MECOM: variants seen among roughly 807,000 people sequenced by gnomAD.
MECOM encodes the protein histone-lysine N-methyltransferase MECOM.
In MECOM, 13 loss-of-function variants were observed where a neutral mutation model predicts 116.3. The observed-to-expected ratio is 0.11, with a 90% CI of 0.07 to 0.18. The LOEUF (loss-of-function observed/expected upper bound fraction) is 0.18, where lower values mean the gene tolerates loss of function less well. Ranked by LOEUF, MECOM falls within the 10% of genes least tolerant of loss-of-function variation. The pLI, the probability that MECOM is intolerant of heterozygous loss-of-function variation, is 1.00. For missense variants in MECOM, 1,299 were observed against 1,509.0 expected, an observed-to-expected ratio of 0.86 and a Z score of 2.31; for synonymous variants, 528 against 535.2, an observed-to-expected ratio of 0.99 and a Z score of 0.19.
rs1026780084 is a variant in MECOM, at chr3:169,559,531, A to G, written c.37+103805T>C. On this transcript the variant is annotated intron_variant, in intron 1 of 16. Coordinates refer to ENST00000651503, the MANE Select transcript of MECOM (RefSeq NM_004991.4). ...CTGGGGTGTACACTTTCCATTTTGAAGCTCCAGTGATATACCATGTTCTGC... is the reference window on the plus strand; with the variant it reads ...CTGGGGTGTACACTTTCCATTTTGAGGCTCCAGTGATATACCATGTTCTGC... Among the ~76,000 whole-genome samples the G allele has an allele frequency of 1.1e-4, 16 of 152,304 alleles. No homozygotes were observed. In the East Asian group the frequency reaches 2.7e-3, roughly 26 times the overall value.
chr3:169,245,936 T>G (rs1755529552), intron 2 of MECOM, among the ~76,000 whole-genome samples: 1 of 152,228 alleles, frequency 6.6e-6, no homozygotes, highest in African/African-American at 2.4e-5. Context: ...CTCCTCCATC[T>G]GGTAGTTCCC....
At position 169,548,971 on chromosome 3, in the gene MECOM, CTTTTTTT is replaced by C. The variant is rs756925389; in HGVS notation, c.37+114358_37+114364del. Among the ~76,000 whole-genome samples, 5 of 119,072 alleles carry C rather than the reference CTTTTTTT, an allele frequency of 4.2e-5. No individual in the cohort carries two copies. The South Asian group carries it at 8.1e-4, about 19-fold the overall frequency. 78.1% of individuals were successfully genotyped at this position (119,072 alleles called of 152,430 possible). ...ACACGTAAAACTGACATTTGTCTCT[CTTTTTTT>C]TTTTTTTTTTTTTGAGACGAAGTCT... On this transcript the variant is annotated intron_variant, in intron 1 of 16. Coordinates refer to ENST00000651503, the MANE Select transcript of MECOM (RefSeq NM_004991.4).
chr3:169,475,859 C>G (rs78679924), intron 1 of MECOM, among the ~76,000 whole-genome samples: 1 of 152,094 alleles, frequency 6.6e-6, no homozygotes, highest in African/African-American at 2.4e-5. Flanking sequence ...ATGGATGTCT[C>G]TGGCTCAAAG....
At chr3:169,394,728 T>C (rs746968473) in intron 1 of MECOM, among the ~76,000 whole-genome samples, 27 of 152,198 alleles carry the variant, frequency 1.8e-4, no homozygotes, top group South Asian at 2.1e-4. Flanking sequence ...TTTGGTAGCA[T>C]TGAACTCTTC....
At chr3:169,163,711 T>C (rs1252938738) in intron 2 of MECOM, among the ~76,000 whole-genome samples, 1 of 152,166 alleles carries the variant, frequency 6.6e-6, no homozygotes, top group South Asian at 2.1e-4. Flanking sequence ...AAGGCTACAT[T>C]ATTTCAGACA....
At chr3:169,391,457 A>T (rs753397031) in intron 1 of MECOM, among the ~76,000 whole-genome samples, 1 of 152,114 alleles carries the variant, frequency 6.6e-6, no homozygotes, top group Non-Finnish European at 1.5e-5. Flanking sequence ...CCCCCATTCT[A>T]AGCTCTAAAG....
chr3:169,284,933 T>C (rs1712957072), intron 2 of MECOM, among the ~76,000 whole-genome samples: 1 of 152,090 alleles, frequency 6.6e-6, no homozygotes, highest in African/African-American at 2.4e-5. Flanking sequence ...GACCCCACCT[T>C]TCAGGAAGTG....
chr3:169,186,001 T>G (rs1008331053), intron 2 of MECOM, among the ~76,000 whole-genome samples: 26 of 152,248 alleles, frequency 1.7e-4, no homozygotes, highest in African/African-American at 5.8e-4. Flanking sequence ...ATCTTTCAGG[T>G]GTTGGCTTAG....
chr3:169,167,586 C>T (rs544973667), intron 2 of MECOM, among the ~76,000 whole-genome samples: 1 of 152,214 alleles, frequency 6.6e-6, no homozygotes, highest in East Asian at 1.9e-4. Context: ...TTTTGCAAAT[C>T]CTCTATAATT....
intron 1 of MECOM, among the ~76,000 whole-genome samples, chr3:169,587,227 C>A (rs773180392): frequency 6.6e-6 from 1 of 152,090 alleles, no homozygotes; most frequent in Admixed American, 6.5e-5. Context: ...TCCTGTAATA[C>A]AGAAATGATC....
At chr3:169,465,517 C>T (rs1049791981) in intron 1 of MECOM, among the ~76,000 whole-genome samples, 18 of 152,044 alleles carry the variant, frequency 1.2e-4, no homozygotes, top group Non-Finnish European at 1.5e-4. Flanking sequence ...GATAAATGGC[C>T]AACACTTTGC....
intron 8 of MECOM, 76 bp from the exon 9 acceptor site, chr3:169,112,950 G>T: frequency 9.5e-7 from 1 of 1,049,308 alleles, no homozygotes; most frequent in Non-Finnish European, 1.4e-6. Context: ...GACATTTAAA[G>T]GAACTAACAA....
intron 2 of MECOM, among the ~76,000 whole-genome samples, chr3:169,171,296 C>T (rs1744367605): frequency 6.6e-6 from 1 of 152,072 alleles, no homozygotes; most frequent in Non-Finnish European, 1.5e-5. Flanking sequence ...CATGAATAAA[C>T]CTATTAATAA....
At chr3:169,253,927 T>C (rs954684288) in intron 2 of MECOM, among the ~76,000 whole-genome samples, 1 of 152,156 alleles carries the variant, frequency 6.6e-6, no homozygotes, top group African/African-American at 2.4e-5. Flanking sequence ...TCCAATAGCA[T>C]AATTGATGAC....
chr3:169,591,284 T>C (rs930405029), intron 1 of MECOM, among the ~76,000 whole-genome samples: 4 of 152,196 alleles, frequency 2.6e-5, no homozygotes, highest in African/African-American at 9.6e-5. Flanking sequence ...ATCAACAAAG[T>C]AGTAAACTTT....
chr3:169,662,387 C>T (rs117251531), intron 1 of MECOM, among the ~76,000 whole-genome samples: 1,593 of 152,262 alleles, frequency 0.01, 45 homozygotes, highest in East Asian at 0.089. Context: ...CCGAGGTGCG[C>T]GGGTCGCAGC....
At chr3:169,625,109 C>G (rs149618359) in intron 1 of MECOM, among the ~76,000 whole-genome samples, 6 of 151,622 alleles carry the variant, frequency 4.0e-5, no homozygotes, top group African/African-American at 1.4e-4. Flanking sequence ...GTGGTTTTTT[C>G]ATGGCTGTGA....
intron 2 of MECOM, among the ~76,000 whole-genome samples, chr3:169,184,782 G>T (rs548627641): frequency 7.7e-4 from 117 of 152,246 alleles, no homozygotes; most frequent in African/African-American, 2.7e-3. Flanking sequence ...TAAAAAGGAG[G>T]GTCTCAAATG....
chr3:169,177,918 T>C (rs1336183394), intron 2 of MECOM, among the ~76,000 whole-genome samples: 4 of 136,628 alleles, frequency 2.9e-5, no homozygotes, highest in Non-Finnish European at 6.3e-5. Flanking sequence ...AGACTTGGTC[T>C]CAAAAAAAAA....
Sources: allele counts gnomAD v4.1 joint callset (sites outside exome capture counted in the v4.1 genomes callset), GRCh38; gene constraint gnomAD v4.1.1; transcripts MANE v1.5; gene names NCBI Gene and HGNC (gene_info 2026-07-23, HGNC 2026-07-21).